ARHGAP15: variants seen among roughly 807,000 people sequenced by gnomAD.
The protein encoded by ARHGAP15 is Rho GTPase activating protein 15.
ARHGAP15 carries 51 observed loss-of-function variants against 63.7 expected under a neutral mutation model. That is an observed-to-expected ratio of 0.80 (90% CI 0.64 to 1.01). ARHGAP15 has a LOEUF of 1.01. Ranked by LOEUF, ARHGAP15 falls within the 50% of genes least tolerant of loss-of-function variation. The probability of loss-of-function intolerance (pLI) is 0.00; values close to 1 mark genes in which losing one functional copy is unlikely to be tolerated. For synonymous variants in ARHGAP15, 191 were observed against 193.8 expected, an observed-to-expected ratio of 0.99 and a Z score of 0.12; for missense variants, 560 against 564.6, an observed-to-expected ratio of 0.99 and a Z score of 0.08.
intron 6 of ARHGAP15, among the ~76,000 whole-genome samples, chr2:143,266,753 C>T (rs1681018170): frequency 6.6e-6 from 1 of 151,998 alleles, no homozygotes; most frequent in East Asian, 1.9e-4. Context: ...AGGATTCACT[C>T]ATGTTTCTAA....
At chr2:143,163,826 T>G (rs1690394305) in intron 2 of ARHGAP15, among the ~76,000 whole-genome samples, 1 of 152,078 alleles carries the variant, frequency 6.6e-6, no homozygotes, top group South Asian at 2.1e-4. Context: ...TTTATAGCTA[T>G]AAAATTTGTG....
intron 6 of ARHGAP15, among the ~76,000 whole-genome samples, chr2:143,427,844 G>A (rs1689198527): frequency 6.6e-6 from 1 of 151,994 alleles, no homozygotes; most frequent in South Asian, 2.1e-4. Flanking sequence ...CAATTGTATT[G>A]CAGCCTTCAA....
intron 11 of ARHGAP15, among the ~76,000 whole-genome samples, chr2:143,602,471 T>G (rs1055484584): frequency 5.3e-5 from 8 of 152,074 alleles, no homozygotes; most frequent in Non-Finnish European, 8.8e-5. Context: ...GGAACAGATT[T>G]TTGTTGTTGT....
intron 5 of ARHGAP15, among the ~76,000 whole-genome samples, chr2:143,241,899 C>A (rs1385364401): frequency 6.6e-6 from 1 of 152,174 alleles, no homozygotes; most frequent in Admixed American, 6.5e-5. Flanking sequence ...TGGCTCCCCA[C>A]TACAATGAGC....
At chr2:143,423,804 G>A (rs182675412) in intron 6 of ARHGAP15, among the ~76,000 whole-genome samples, 41 of 152,176 alleles carry the variant, frequency 2.7e-4, no homozygotes, top group Non-Finnish European at 4.7e-4. Context: ...ATTTTATGTA[G>A]CCCTTATAAT....
intron 2 of ARHGAP15, among the ~76,000 whole-genome samples, chr2:143,180,057 G>T (rs1691174091): frequency 6.6e-6 from 1 of 152,182 alleles, no homozygotes; most frequent in South Asian, 2.1e-4. Flanking sequence ...GGGCAAAGTG[G>T]CTGTGGCAAT....
In ARHGAP15 at chr2:143,256,726, G is replaced by T. The variant is rs191094766; in HGVS notation, c.474+6126G>T. 1.1e-4 allele frequency among the ~76,000 whole-genome samples: 16 copies of T among 152,106 alleles called. No homozygotes were observed. The East Asian group carries it at 2.9e-3, about 28-fold the overall frequency. On this transcript the variant is annotated intron_variant, in intron 6 of 13. Coordinates refer to ENST00000295095, the MANE Select transcript of ARHGAP15 (RefSeq NM_018460.4). ...GTTTAGCTTCACTTTTGTTGATGCG[G>T]TCACACAGATTTTGCACAGAGGGAG...
chr2:143,521,204 C>G (rs1694050909), intron 10 of ARHGAP15, among the ~76,000 whole-genome samples: 1 of 152,148 alleles, frequency 6.6e-6, no homozygotes. Flanking sequence ...CAAAGACTTT[C>G]CAATTCCACA....
intron 6 of ARHGAP15, among the ~76,000 whole-genome samples, chr2:143,433,625 C>T (rs1297248878): frequency 1.3e-5 from 2 of 152,090 alleles, no homozygotes; most frequent in African/African-American, 2.4e-5. Context: ...TGCTAAAGTA[C>T]TTATATTTTA....
chr2:143,358,135 A>T (rs1685883549), intron 6 of ARHGAP15, among the ~76,000 whole-genome samples: 1 of 152,232 alleles, frequency 6.6e-6, no homozygotes, highest in Non-Finnish European at 1.5e-5. Flanking sequence ...CAGGCGATGC[A>T]GGTTGGCCCA....
intron 6 of ARHGAP15, among the ~76,000 whole-genome samples, chr2:143,409,824 C>T (rs1688370546): frequency 6.6e-6 from 1 of 152,036 alleles, no homozygotes. Context: ...GTGTGGTAGG[C>T]TATACCATCT....
chr2:143,481,276 C>G (rs1692069118), intron 8 of ARHGAP15, among the ~76,000 whole-genome samples: 1 of 152,010 alleles, frequency 6.6e-6, no homozygotes, highest in Non-Finnish European at 1.5e-5. Context: ...ATCTCAATGT[C>G]AAACCTCACC....
chr2:143,147,724 T>C (rs905579075), intron 1 of ARHGAP15, among the ~76,000 whole-genome samples: 3 of 152,002 alleles, frequency 2.0e-5, no homozygotes, highest in African/African-American at 7.2e-5. Flanking sequence ...TTTCATTTGA[T>C]TGTTGACCAG....
intron 11 of ARHGAP15, among the ~76,000 whole-genome samples, chr2:143,568,186 A>C (rs7565289): frequency 0.3 from 45,291 of 151,084 alleles, 7,719 homozygotes; most frequent in African/African-American, 0.5. Flanking sequence ...TAATTAAACT[A>C]AAGAGCTTCT....
intron 10 of ARHGAP15, among the ~76,000 whole-genome samples, chr2:143,533,625 C>A (rs913975455): frequency 6.6e-6 from 1 of 152,128 alleles, no homozygotes; most frequent in African/African-American, 2.4e-5. Context: ...TGTTTTGTTT[C>A]ATTTGATAAG....
chr2:143,635,701 A>G (rs981558792), intron 12 of ARHGAP15, among the ~76,000 whole-genome samples: 4 of 152,110 alleles, frequency 2.6e-5, no homozygotes, highest in Non-Finnish European at 5.9e-5. Flanking sequence ...ATTTTTCCCT[A>G]AGGATAGGCT....
chr2:143,629,654 T>C (rs1033304560), intron 12 of ARHGAP15, among the ~76,000 whole-genome samples: 7 of 152,154 alleles, frequency 4.6e-5, no homozygotes, highest in African/African-American at 1.7e-4. Flanking sequence ...GTTTTTTCTG[T>C]TTTAATGTCT....
At chr2:143,604,374 CGCATCTGAA>C (rs1301007189) in intron 11 of ARHGAP15, among the ~76,000 whole-genome samples, 1 of 152,190 alleles carries the variant, frequency 6.6e-6, no homozygotes, top group African/African-American at 2.4e-5. Flanking sequence ...CTGTTCTTCA[CGCATCTGAA>C]GCAGAGGAGT....
intron 12 of ARHGAP15, among the ~76,000 whole-genome samples, chr2:143,659,487 T>C (rs569265970): frequency 5.3e-5 from 8 of 152,312 alleles, no homozygotes; most frequent in Admixed American, 5.2e-4. Context: ...GAAGAGTGTG[T>C]CTTTCATGCC....
Sources: allele counts gnomAD v4.1 joint callset (sites outside exome capture counted in the v4.1 genomes callset), GRCh38; gene constraint gnomAD v4.1.1; transcripts MANE v1.5; gene names NCBI Gene and HGNC (gene_info 2026-07-23, HGNC 2026-07-21).